Variants in CSMD3 observed in about 807,000 individuals in gnomAD.
CSMD3 encodes CUB and sushi domain-containing protein 3.
Under a neutral mutation model 435.2 loss-of-function variants are expected in CSMD3, and 177 were observed. The observed-to-expected ratio is 0.41, with a 90% confidence interval of 0.36 to 0.46. The LOEUF (loss-of-function observed/expected upper bound fraction) is 0.46. Among genes scored for constraint, CSMD3 ranks in the 20% least tolerant of loss-of-function variants. CSMD3 has a pLI of 0.34. For synonymous variants in CSMD3, 1,656 were observed against 1,520.5 expected (o/e 1.09, Z -2.07); for missense variants, 4,265 against 4,504.6 (o/e 0.95, Z 1.52).
intron 23 of CSMD3, among the ~76,000 whole-genome samples, chr8:112,582,337 C>A (rs1830393163): frequency 6.6e-6 from 1 of 151,872 alleles, no homozygotes; most frequent in Non-Finnish European, 1.5e-5. Context: ...GTAGAGCCTG[C>A]AGAACTGTGA....
chr8:113,421,600 T>A (rs539219831), intron 1 of CSMD3, among the ~76,000 whole-genome samples: 119 of 152,296 alleles, frequency 7.8e-4, no homozygotes, highest in Non-Finnish European at 1.5e-3. Flanking sequence ...GGCACTTTGG[T>A]ATACTGAATA....
intron 57 of CSMD3, among the ~76,000 whole-genome samples, chr8:112,287,718 T>C (rs1819349892): frequency 1.3e-5 from 2 of 152,152 alleles, no homozygotes; most frequent in East Asian, 1.9e-4. Context: ...CATGTAAATA[T>C]TATAATACAG....
intron 10 of CSMD3, among the ~76,000 whole-genome samples, chr8:112,895,964 C>T (rs2081938878): frequency 6.6e-6 from 1 of 151,370 alleles, no homozygotes; most frequent in South Asian, 2.1e-4. Context: ...TTTATTGTTT[C>T]CTTTCTCAAT....
chr8:113,269,451 A>G (rs968487927), intron 3 of CSMD3, among the ~76,000 whole-genome samples: 2 of 152,308 alleles, frequency 1.3e-5, no homozygotes, highest in South Asian at 2.1e-4. Context: ...CAGAATTGGA[A>G]AAAACGACAT....
chr8:113,138,550 A>C (rs1022743038), intron 4 of CSMD3, among the ~76,000 whole-genome samples: 1 of 151,458 alleles, frequency 6.6e-6, no homozygotes, highest in African/African-American at 2.4e-5. Context: ...AGCTTTCTTA[A>C]TAAAACTTCA....
chr8:112,460,769 C>A lies in CSMD3; in HGVS notation c.5395+11822G>T, dbSNP rs140672015. Among the ~76,000 whole-genome samples the A allele has an allele frequency of 6.6e-3, 1,001 of 152,208 alleles. 10 individuals are homozygous for A. The highest frequency in any genetic ancestry group is 0.023 in the African/African-American group (959 of 41,536). ...TAGTCTGGTATTTTAGTATAAACCA[C>A]AGCTTCAGTGAATTTGGAAAATATT... On this transcript the variant is annotated intron_variant, in intron 32 of 70. Transcript: ENST00000297405.
intron 16 of CSMD3, among the ~76,000 whole-genome samples, chr8:112,674,566 G>A (rs575743910): frequency 6.6e-6 from 1 of 152,166 alleles, no homozygotes; most frequent in Admixed American, 6.6e-5. Context: ...CTTTTCCTGT[G>A]GCCAAGCCTG....
intron 3 of CSMD3, among the ~76,000 whole-genome samples, chr8:113,178,486 CT>C (rs2092378835): frequency 6.6e-6 from 1 of 151,792 alleles, no homozygotes; most frequent in Non-Finnish European, 1.5e-5. Flanking sequence ...GATTTGGTGG[CT>C]ACCAAAAGTA....
intron 13 of CSMD3, among the ~76,000 whole-genome samples, chr8:112,759,620 A>G (rs16884069): frequency 0.025 from 3,867 of 152,266 alleles, 78 homozygotes; most frequent in East Asian, 0.074. Context: ...GTGATAGAAC[A>G]TAATATTGTG....
chr8:112,562,274 T>C (rs973626620), intron 24 of CSMD3, among the ~76,000 whole-genome samples: 1 of 151,708 alleles, frequency 6.6e-6, no homozygotes, highest in Admixed American at 6.6e-5. Flanking sequence ...CTACCAGTAA[T>C]ACAAATAATT....
At chr8:112,645,287 C>T in intron 19 of CSMD3, 62 bp from the exon 20 acceptor site, 6 of 885,608 alleles carry the variant, frequency 6.8e-6, no homozygotes, top group Non-Finnish European at 3.9e-6. Flanking sequence ...GTGAACAAAT[C>T]TCTATCTCCT....
chr8:113,083,099 C>T (rs1256481680), intron 5 of CSMD3, among the ~76,000 whole-genome samples: 1 of 151,952 alleles, frequency 6.6e-6, no homozygotes, highest in African/African-American at 2.4e-5. Context: ...CAGATAGATC[C>T]CCAAACTGAT....
intron 36 of CSMD3, among the ~76,000 whole-genome samples, chr8:112,384,029 G>C (rs1436468669): frequency 6.6e-6 from 1 of 152,116 alleles, no homozygotes; most frequent in African/African-American, 2.4e-5. Flanking sequence ...GTACTGATTT[G>C]AGTTTTCTAA....
chr8:113,080,620 T>A (rs1466949706), intron 5 of CSMD3, among the ~76,000 whole-genome samples: 1 of 152,114 alleles, frequency 6.6e-6, no homozygotes, highest in Non-Finnish European at 1.5e-5. Flanking sequence ...TCAGGCACAA[T>A]AAGATTTTCT....
At chr8:112,272,778 T>C (rs1280707699) in intron 59 of CSMD3, among the ~76,000 whole-genome samples, 1 of 152,212 alleles carries the variant, frequency 6.6e-6, no homozygotes, top group Non-Finnish European at 1.5e-5. Flanking sequence ...GATTACCACA[T>C]ATAAACACTA....
chr8:113,399,516 C>T lies in CSMD3; in HGVS notation c.178+37161G>A, dbSNP rs769808383. On this transcript the variant is annotated intron_variant, in intron 1 of 70. Coordinates refer to ENST00000297405, the MANE Select transcript of CSMD3 (RefSeq NM_198123.2). The stretch of plus-strand genomic sequence containing the variant: ...CTGCAACATGGTTGAACCTGGAAAA[C>T]GGTTTGCTAAATGAAAAAAAAAAAG... 9.9e-5 allele frequency among the ~76,000 whole-genome samples: 15 copies of T among 150,832 alleles called. No homozygotes were observed. The South Asian group carries it at 2.1e-3, about 21-fold the overall frequency.
At chr8:113,216,141 T>G (rs1319487592) in intron 3 of CSMD3, among the ~76,000 whole-genome samples, 3 of 151,838 alleles carry the variant, frequency 2.0e-5, no homozygotes, top group African/African-American at 7.2e-5. Context: ...GAATATGTTT[T>G]GTGATTTCAA....
chr8:112,859,574 T>C (rs2129868246), intron 10 of CSMD3, among the ~76,000 whole-genome samples: 1 of 151,934 alleles, frequency 6.6e-6, no homozygotes, highest in Admixed American at 6.6e-5. Flanking sequence ...CCCAATATTG[T>C]GTTAACAAAA....
At chr8:112,519,538 A>G (rs1824059181) in intron 27 of CSMD3, among the ~76,000 whole-genome samples, 3 of 152,284 alleles carry the variant, frequency 2.0e-5, no homozygotes, top group African/African-American at 7.2e-5. Flanking sequence ...TGTAGACTGT[A>G]CTCCTTAAAT....
Sources: allele counts gnomAD v4.1 joint callset (sites outside exome capture counted in the v4.1 genomes callset), GRCh38; gene constraint gnomAD v4.1.1; transcripts MANE v1.5; gene names NCBI Gene and HGNC (gene_info 2026-07-23, HGNC 2026-07-21).